The following RAB15 variants were observed in gnomAD, a reference collection of about 807,000 sequenced individuals.
The protein encoded by RAB15 is RAB15, member RAS oncogene family, also known as ras-related protein Rab-15.
Under a neutral mutation model 31.8 loss-of-function variants are expected in RAB15, and 13 were observed. The ratio of observed to expected loss-of-function variants is 0.41; its 90% CI spans 0.27 to 0.65. The LOEUF is 0.65. RAB15 is among the 30% of genes least tolerant of loss of function. RAB15 has a pLI of 0.32. For missense variants in RAB15, 220 were observed against 277.3 expected (o/e 0.79, Z 1.47); for synonymous variants, 100 against 105.6 (o/e 0.95, Z 0.33).
intron 1 of RAB15, among the ~76,000 whole-genome samples, chr14:64,959,848 CAA>C (rs34981340): frequency 9.5e-5 from 4 of 42,066 alleles, no homozygotes; most frequent in African/African-American, 4.0e-4. Flanking sequence ...GACCCTGTCT[CAA>C]AAAAAAAAAA....
rs752635365 is a variant in RAB15, at chr14:64,970,156, G to A, written c.124+1797C>T. 9.9e-5 allele frequency among the ~76,000 whole-genome samples: 15 copies of A among 152,184 alleles called. No homozygotes were observed. The highest frequency in any genetic ancestry group is 1.8e-4 in the Non-Finnish European group (12 of 68,032). On this transcript the variant is annotated intron_variant, in intron 1 of 6. Transcript: ENST00000533601. This position sits in a 1 kb window ranked among gnomAD's most constrained non-coding sequence, Gnocchi z 4.1. Reference sequence around the variant, plus strand: ...TTCAGGCCAAAGCCAGGGCCTCCCAGGCAGCCCACAGCTCTCTGGAGATAG... The same window carrying A: ...TTCAGGCCAAAGCCAGGGCCTCCCAAGCAGCCCACAGCTCTCTGGAGATAG...
Position 64,951,655 on chromosome 14 carries a change from G to A in RAB15, c.194C>T (p.Ala65Val). 3 of 1,614,064 alleles carry A rather than the reference G, an allele frequency of 1.9e-6. No homozygotes were observed. Among genetic ancestry groups the A allele is most frequent in the Non-Finnish European group, 2.5e-6 (3 of 1,179,906 alleles). ...IKVRIQIWDTAGQERYQTITK... is the reference protein window; with the variant it reads ...IKVRIQIWDTVGQERYQTITK... ...GATGGTCTGGTATCTCTCCTGCCCT[G>A]CAGTGTCCCTGCAGGAGAAAGCCAG... Residue 65 changes from alanine (A) to valine (V), a missense_variant, in exon 3 of 7, where the codon GCA becomes GTA. Transcript: ENST00000533601. The surrounding 1 kb of genome is among the most constrained non-coding windows in gnomAD (Gnocchi z 7.2).
intron 1 of RAB15, among the ~76,000 whole-genome samples, chr14:64,957,073 A>G (rs1048359220): frequency 1.3e-5 from 2 of 151,382 alleles, no homozygotes; most frequent in African/African-American, 4.9e-5. Context: ...GGTAGCTGGG[A>G]CTGCAAGTGT....
chr14:64,972,173 G>C lies in RAB15; in HGVS notation c.-97C>G, dbSNP rs1887466622. ...GCCCGCGCCCGCCCGGGGACGCTGC[G>C]GGCGGCGAGGAGGACGCCGGGCCCG... On this transcript the variant is annotated 5_prime_UTR_variant, in exon 1 of 7. Coordinates refer to ENST00000533601, the MANE Select transcript of RAB15 (RefSeq NM_001308154.2). This position sits in a 1 kb window ranked among gnomAD's most constrained non-coding sequence, Gnocchi z 6.3. 1 of 1,068,896 alleles carries C rather than the reference G, an allele frequency of 9.4e-7. No homozygotes were observed. Among genetic ancestry groups the C allele is most frequent in the Non-Finnish European group, 1.2e-6 (1 of 865,388 alleles). The allele number at this position is 1,068,896 out of a possible 1,614,324, so 66.2% of individuals were successfully genotyped here. A position where few individuals can be genotyped will look rare whatever the true frequency, so the allele number is the denominator to read the frequency against.
chr14:64,953,063 G>A lies in RAB15; in HGVS notation c.125-492C>T, dbSNP rs1296743884. On this transcript the variant is annotated intron_variant, in intron 1 of 6. Coordinates refer to ENST00000533601, the MANE Select transcript of RAB15 (RefSeq NM_001308154.2). The surrounding 1 kb of genome is among the most constrained non-coding windows in gnomAD (Gnocchi z 4.6). ...TGCCAGACTGTGGAGAGAGAGGAGG[G>A]CTCTTCCAACCCATGATTGTACCTG... 2.6e-5 allele frequency among the ~76,000 whole-genome samples: 4 copies of A among 152,132 alleles called. No individual in the cohort carries two copies. Among genetic ancestry groups the A allele is most frequent in the Non-Finnish European group, 5.9e-5 (4 of 68,030 alleles).
intron 1 of RAB15, among the ~76,000 whole-genome samples, chr14:64,964,927 A>G (rs1335611282): frequency 6.6e-6 from 1 of 151,386 alleles, no homozygotes; most frequent in Non-Finnish European, 1.5e-5. Context: ...TCATGGTGCC[A>G]TGGTCACAGA....
chr14:64,951,567 G>C lies in RAB15; in HGVS notation c.246+36C>G. On this transcript the variant is annotated intron_variant, in intron 3 of 6. Transcript: ENST00000533601. This position sits in a 1 kb window ranked among gnomAD's most constrained non-coding sequence, Gnocchi z 7.2. ...CCCAGAGCTGGGAGTGTGGGTGGCA[G>C]CTTCCCACTTTGAAACCCCCAATGT... The C allele has an allele frequency of 1.3e-6, 2 of 1,592,394 alleles. No individual in the cohort carries two copies. The highest frequency in any genetic ancestry group is 8.6e-7 in the Non-Finnish European group (1 of 1,160,118).
chr14:64,950,189 C>T lies in RAB15; in HGVS notation c.414+136G>A, dbSNP rs1046453023. 5 of 760,228 alleles carry T rather than the reference C, an allele frequency of 6.6e-6. No individual in the cohort carries two copies. The highest frequency in any genetic ancestry group is 1.5e-5 in the South Asian group (1 of 66,284). The allele number at this position is 760,228 out of a possible 1,614,324, so 47.1% of individuals were successfully genotyped here. On this transcript the variant is annotated intron_variant, in intron 5 of 6. Coordinates refer to ENST00000533601, the MANE Select transcript of RAB15 (RefSeq NM_001308154.2). The surrounding 1 kb of genome is among the most constrained non-coding windows in gnomAD (Gnocchi z 5.6). ...CAAGCCTTCCGAGGATGGCCACTCCCCCAGGGCCTTGGGGTGCTGGGGACG... is the reference window on the plus strand; with the variant it reads ...CAAGCCTTCCGAGGATGGCCACTCCTCCAGGGCCTTGGGGTGCTGGGGACG...
In RAB15 at chr14:64,945,992, G is replaced by A. The variant is rs8006570; in HGVS notation, c.*2362C>T. The A allele has an allele frequency of 0.051, 7,792 of 152,730 alleles. 689 individuals carry two copies. The highest frequency in any genetic ancestry group is 0.18 in the African/African-American group (7,308 of 41,484). 9.5% of individuals were successfully genotyped at this position (152,730 alleles called of 1,614,324 possible). On this transcript the variant is annotated 3_prime_UTR_variant, in exon 7 of 7. Transcript: ENST00000533601. ...TGGATGGAGTCTCAAGACAGCAGGT[G>A]CAGAGGTGGTGACGAGTAAACAGGC...
At position 64,950,287 on chromosome 14, in the gene RAB15, G is replaced by A. The variant is rs1388762458; in HGVS notation, c.414+38C>T. ...CAGGACTGGCCCTGGAGGCCCAGCA[G>A]AGGACCTGGGGTGGACTTGCCTTTT... is the stretch of plus-strand genomic sequence containing the variant. On this transcript the variant is annotated intron_variant, in intron 5 of 6. Coordinates refer to ENST00000533601, the MANE Select transcript of RAB15 (RefSeq NM_001308154.2). The surrounding 1 kb of genome is among the most constrained non-coding windows in gnomAD (Gnocchi z 5.6). 2 of 1,540,486 alleles carry A rather than the reference G, an allele frequency of 1.3e-6. No individual in the cohort carries two copies. Among genetic ancestry groups the A allele is most frequent in the East Asian group, 4.5e-5 (2 of 44,444 alleles).
intron 1 of RAB15, among the ~76,000 whole-genome samples, chr14:64,966,090 T>C (rs1313274049): frequency 6.6e-6 from 1 of 152,114 alleles, no homozygotes; most frequent in Non-Finnish European, 1.5e-5. Context: ...CTCTTCCTTC[T>C]CAGACCCTGG....
rs1163052312 is a variant in RAB15, at chr14:64,953,749, G to A, written c.125-1178C>T. The A allele has an allele frequency of 3.1e-6, 3 of 976,346 alleles. No individual in the cohort carries two copies. The highest frequency in any genetic ancestry group is 3.7e-6 in the Non-Finnish European group (3 of 821,770). The allele number at this position is 976,346 out of a possible 1,614,324, so 60.5% of individuals were successfully genotyped here. On this transcript the variant is annotated intron_variant, in intron 1 of 6. Transcript: ENST00000533601. The surrounding 1 kb of genome is among the most constrained non-coding windows in gnomAD (Gnocchi z 4.6). ...AACTATACCCAGGCACTATGCCCAG[G>A]GATTCAAGAGCTACGTCTGGTGGGT...
rs1185769802 is a variant in RAB15 at position 64,952,886 on chromosome 14, G to T, written c.125-315C>A. ...CAGACTTAAAACATGTCTCGTTCTA[G>T]TCATGTGTGAAGTCTTCCTATTTAT... On this transcript the variant is annotated intron_variant, in intron 1 of 6. Transcript: ENST00000533601. This position sits in a 1 kb window ranked among gnomAD's most constrained non-coding sequence, Gnocchi z 4.2. Among the ~76,000 whole-genome samples, 1 of 152,228 alleles carries T rather than the reference G, an allele frequency of 6.6e-6. No homozygotes were observed. Among genetic ancestry groups the T allele is most frequent in the Non-Finnish European group, 1.5e-5 (1 of 68,038 alleles).
At position 64,946,017 on chromosome 14, in the gene RAB15, C is replaced by A. The variant is rs1052904390; in HGVS notation, c.*2337G>T. ...GCAGAGGTGGTGACGAGTAAACAGG[C>A]CAGCAGAGCCTGGTTAACAGTCTGG... On this transcript the variant is annotated 3_prime_UTR_variant, in exon 7 of 7. Coordinates refer to ENST00000533601, the MANE Select transcript of RAB15 (RefSeq NM_001308154.2). The A allele has an allele frequency of 1.3e-5, 2 of 152,546 alleles. No individual in the cohort carries two copies. Among genetic ancestry groups the A allele is most frequent in the Non-Finnish European group, 2.9e-5 (2 of 68,058 alleles). 9.4% of individuals were successfully genotyped at this position (152,546 alleles called of 1,614,324 possible).
rs767681868 is a variant in RAB15 at position 64,957,212 on chromosome 14, T to C, written c.125-4641A>G. On this transcript the variant is annotated intron_variant, in intron 1 of 6. Transcript: ENST00000533601. Reference sequence around the variant, plus strand: ...TCAGCTTCCCACAGTGCTGGGATTATAGGCATGAGCCTCCGCACCAGGCCG... The same window carrying C: ...TCAGCTTCCCACAGTGCTGGGATTACAGGCATGAGCCTCCGCACCAGGCCG... 2.6e-4 allele frequency among the ~76,000 whole-genome samples: 39 copies of C among 152,196 alleles called. No individual in the cohort carries two copies. The South Asian group carries it at 3.7e-3, about 15-fold the overall frequency.
At chr14:64,960,942 G>A (rs1231495514) in intron 1 of RAB15, among the ~76,000 whole-genome samples, 2 of 152,142 alleles carry the variant, frequency 1.3e-5, no homozygotes, top group African/African-American at 2.4e-5. Flanking sequence ...GCCTACTAGC[G>A]GGCCAGCACC....
rs1421609982 is a variant in RAB15 at position 64,955,183 on chromosome 14, T to C, written c.125-2612A>G. Among the ~76,000 whole-genome samples the C allele has an allele frequency of 6.6e-6, 1 of 152,170 alleles. No individual in the cohort carries two copies. The highest frequency in any genetic ancestry group is 1.9e-4 in the East Asian group (1 of 5,202). ...TTTTGGCTATTCATATGCATTCACA[T>C]ATGATGGAAGAAACAGAGTAAGTCT... is the stretch of plus-strand genomic sequence containing the variant. On this transcript the variant is annotated intron_variant, in intron 1 of 6. Transcript: ENST00000533601. This position sits in a 1 kb window ranked among gnomAD's most constrained non-coding sequence, Gnocchi z 4.4.
At chr14:64,956,426 G>A (rs11623916) in intron 1 of RAB15, among the ~76,000 whole-genome samples, 13,966 of 147,364 alleles carry the variant, frequency 0.095, 769 homozygotes, top group Non-Finnish European at 0.12. Flanking sequence ...AAAAAAAAAA[G>A]AAAAGAAAGG....
At chr14:64,956,072 G>A (rs1392282228) in intron 1 of RAB15, among the ~76,000 whole-genome samples, 1 of 152,086 alleles carries the variant, frequency 6.6e-6, no homozygotes, top group Non-Finnish European at 1.5e-5. Flanking sequence ...GTGTGTCCCT[G>A]GACCCACAGC....
Sources: allele counts gnomAD v4.1 joint callset (sites outside exome capture counted in the v4.1 genomes callset), GRCh38; gene constraint gnomAD v4.1.1; non-coding constraint Gnocchi (gnomAD v3.1); transcripts MANE v1.5; gene names NCBI Gene and HGNC (gene_info 2026-07-23, HGNC 2026-07-21).